NPHP3: variants seen among roughly 807,000 people sequenced by gnomAD.
NPHP3 encodes nephrocystin 3.
Under a neutral mutation model 171.9 loss-of-function variants are expected in NPHP3, and 123 were observed. The observed-to-expected ratio is 0.72, with a 90% confidence interval of 0.62 to 0.83. The LOEUF is 0.83. NPHP3 is among the 40% of genes least tolerant of loss of function. The pLI is 0.00. For missense variants in NPHP3, 1,506 were observed against 1,591.9 expected (o/e 0.95, Z 0.92); for synonymous variants, 558 against 579.2 (o/e 0.96, Z 0.52).
intron 15 of NPHP3, 95 bp downstream of exon 15, chr3:132,696,636 T>C (rs1415376949): frequency 1.9e-6 from 2 of 1,043,544 alleles, no homozygotes; most frequent in East Asian, 4.7e-5. Flanking sequence ...CTCAACAGAC[T>C]GGTGTAGTGA....
At chr3:132,717,376 G>A (rs1167257415) in intron 3 of NPHP3, 2 of 161,398 alleles carry the variant, frequency 1.2e-5, no homozygotes, top group African/African-American at 4.8e-5. Flanking sequence ...ACCTCCTAGA[G>A]CAACAAAATT....
At position 132,684,581 on chromosome 3, in the gene NPHP3, C is replaced by T. The variant is rs1307832095; in HGVS notation, c.3543G>A (p.Lys1181=). 5.0e-6 allele frequency: 8 copies of T among 1,613,868 alleles called. No individual in the cohort carries two copies. The highest frequency in any genetic ancestry group is 2.7e-5 in the African/African-American group (2 of 74,918). The change falls in exon 24 of 27, where the codon AAG becomes AAA. Residue 1181 remains lysine, a synonymous_variant. Transcript: ENST00000337331. ...PDHPSLAYTV[K]HLAILYKKMG... ...TTTTCTTATACAAGATGGCAAGATGCTTCACCGTATATGCCAAAGAAGGGT... is the reference window on the plus strand; with the variant it reads ...TTTTCTTATACAAGATGGCAAGATGTTTCACCGTATATGCCAAAGAAGGGT...
rs200440531 is a variant in NPHP3 at position 132,694,876 on chromosome 3, G to C, written c.2261C>G (p.Ser754Cys). 3.1e-6 allele frequency: 5 copies of C among 1,613,580 alleles called. No homozygotes were observed. Among genetic ancestry groups the C allele is most frequent in the Non-Finnish European group, 4.2e-6 (5 of 1,179,856 alleles). ...TLSLYRLVLH[S>C]IRESMANDVD... ...ATCATTTGCCATGGACTCCCGGATA[G>C]AGTGCAGAACAAGTCTATATAATGA... Residue 754 changes from serine (S) to cysteine (C), a missense_variant, in exon 16 of 27, where the codon TCT becomes TGT. Ser to Cys is a moderately radical substitution (Grantham distance 112, BLOSUM62 -1). Coordinates refer to ENST00000337331, the MANE Select transcript of NPHP3 (RefSeq NM_153240.5).
At chr3:132,690,229 A>G (rs1000348001) in intron 19 of NPHP3, among the ~76,000 whole-genome samples, 5 of 152,224 alleles carry the variant, frequency 3.3e-5, no homozygotes, top group African/African-American at 7.2e-5. Context: ...AGAAGCAGAC[A>G]TTACGAACCA....
chr3:132,720,855 G>A (rs1940192714), intron 1 of NPHP3, among the ~76,000 whole-genome samples: 1 of 151,916 alleles, frequency 6.6e-6, no homozygotes, highest in Non-Finnish European at 1.5e-5. Context: ...CGACCAGAGG[G>A]GCCCCAAACT....
intron 1 of NPHP3, chr3:132,721,546 G>C (rs1042561842): frequency 9.5e-6 from 3 of 315,232 alleles, no homozygotes; most frequent in African/African-American, 6.5e-5. Flanking sequence ...TGAGGGGGTG[G>C]GCGCGGGGGC....
chr3:132,716,921 G>A lies in NPHP3; in HGVS notation c.671-12C>T. The A allele has an allele frequency of 6.2e-7, 1 of 1,613,120 alleles. No homozygotes were observed. Among genetic ancestry groups the A allele is most frequent in the East Asian group, 2.2e-5 (1 of 44,888 alleles). On this transcript the variant is annotated splice_polypyrimidine_tract_variant and intron_variant, in intron 3 of 26. Coordinates refer to ENST00000337331, the MANE Select transcript of NPHP3 (RefSeq NM_153240.5). ...TTGGGTTCCAGCAGCTGTTCAGCAAGAGATTTTTATCTTGTGAAAGCCAAC... is the reference window on the plus strand; with the variant it reads ...TTGGGTTCCAGCAGCTGTTCAGCAAAAGATTTTTATCTTGTGAAAGCCAAC...
At chr3:132,718,044 G>A (rs370403218) in intron 3 of NPHP3, 15 of 417,256 alleles carry the variant, frequency 3.6e-5, no homozygotes, top group Admixed American at 5.2e-5. Flanking sequence ...ATAAGCCACC[G>A]TGCCCGGCCT....
intron 23 of NPHP3, 90 bp from the exon 24 acceptor site, chr3:132,684,884 T>C: frequency 2.1e-6 from 3 of 1,445,002 alleles, no homozygotes; most frequent in Non-Finnish European, 2.9e-6. Flanking sequence ...CTGACTCATC[T>C]TTATTCTTAG....
rs568964053 is a variant in NPHP3 at position 132,683,542 on chromosome 3, A to T, written c.3571-18T>A. On this transcript the variant is annotated intron_variant, in intron 24 of 26. Coordinates refer to ENST00000337331, the MANE Select transcript of NPHP3 (RefSeq NM_153240.5). ...AGTTTCCCCTAAAAAACAAGAGTTA[A>T]ATCTAACAAAAATATAAGGCAATAA... 6.2e-7 allele frequency: 1 copy of T among 1,601,052 alleles called. No homozygotes were observed. The highest frequency in any genetic ancestry group is 1.1e-5 in the South Asian group (1 of 90,542).
chr3:132,705,479 A>G (rs950215345), intron 8 of NPHP3, among the ~76,000 whole-genome samples: 2 of 152,236 alleles, frequency 1.3e-5, no homozygotes, highest in African/African-American at 4.8e-5. Context: ...GTTTTTGGCT[A>G]GCACTTTTGT....
chr3:132,683,509 C>G lies in NPHP3; in HGVS notation c.3586G>C (p.Ala1196Pro), dbSNP rs764453533. The change falls in exon 25 of 27, where the codon GCT becomes CCT. Residue 1196 changes from alanine (A) to proline (P), a missense_variant. By Grantham distance (27) the Ala-to-Pro change is conservative (BLOSUM62 -1). Coordinates refer to ENST00000337331, the MANE Select transcript of NPHP3 (RefSeq NM_153240.5). Reference sequence around the variant, plus strand: ...ACAGCCAATTCATACAAAGGTACAGCTTTGTCAAGTTTCCCCTAAAAAACA... The same window carrying G: ...ACAGCCAATTCATACAAAGGTACAGGTTTGTCAAGTTTCCCCTAAAAAACA... ...LYKKMGKLDK[A>P]VPLYELAVEI... The G allele has an allele frequency of 6.2e-7, 1 of 1,612,744 alleles. No homozygotes were observed. The highest frequency in any genetic ancestry group is 1.7e-5 in the Admixed American group (1 of 59,978).
At chr3:132,696,226 G>A (rs948086187) in intron 15 of NPHP3, among the ~76,000 whole-genome samples, 4 of 152,062 alleles carry the variant, frequency 2.6e-5, no homozygotes, top group African/African-American at 9.7e-5. Context: ...AGATAGAATA[G>A]GGTAAAGCTA....
chr3:132,707,882 A>G (rs1939796067), intron 7 of NPHP3, among the ~76,000 whole-genome samples: 1 of 152,046 alleles, frequency 6.6e-6, no homozygotes, highest in South Asian at 2.1e-4. Flanking sequence ...GTGGCTCCCA[A>G]TCTCACTCCA....
In NPHP3 at chr3:132,691,205, T is replaced by C. The variant is rs1692511922; in HGVS notation, c.2557A>G (p.Thr853Ala). ...CATTTACAATACCTTAGCTGCAAGG[T>C]GAAATAGTTGATTAGCTTTTGCCTG... is the stretch of plus-strand genomic sequence containing the variant. Reference protein sequence around the residue: ...SYRQKLINYFTLQLSQDRVTW... With the variant: ...SYRQKLINYFALQLSQDRVTW... The change falls in exon 18 of 27, where the codon ACC becomes GCC. Residue 853 changes from threonine to alanine, a missense_variant. This residue lies in a region of NPHP3 where 569 missense variants were observed against 648.1 expected (regional missense o/e 0.88). Transcript: ENST00000337331. 1.2e-6 allele frequency: 2 copies of C among 1,612,310 alleles called. No homozygotes were observed. Among genetic ancestry groups the C allele is most frequent in the Non-Finnish European group, 1.7e-6 (2 of 1,178,520 alleles).
intron 24 of NPHP3, among the ~76,000 whole-genome samples, chr3:132,684,139 A>C (rs1321247193): frequency 3.3e-5 from 5 of 152,230 alleles, no homozygotes; most frequent in Non-Finnish European, 7.3e-5. Context: ...GCCAAGAAAG[A>C]ACGAAATAAA....
chr3:132,684,237 T>C (rs1371539222), intron 24 of NPHP3, among the ~76,000 whole-genome samples: 4 of 152,240 alleles, frequency 2.6e-5, no homozygotes, highest in Non-Finnish European at 5.9e-5. Context: ...GGTGGAATTT[T>C]AGAACTTCTG....
Position 132,719,722 on chromosome 3 carries a change from CT to C in NPHP3, c.501del (p.Val168LeufsTer20). On this transcript the variant is annotated frameshift_variant, in exon 2 of 27. Coordinates refer to ENST00000337331, the MANE Select transcript of NPHP3 (RefSeq NM_153240.5). LOFTEE classifies it high-confidence loss of function. ...GAATTTACCTTGAATTGCCTTTTAA[CT>C]TTATCTCTGTCATGTTCAAATGTTG... is the stretch of plus-strand genomic sequence containing the variant. The part of the protein sequence containing the change: ...RAATFEHDRD[K>X]VKRQFKIFRE... The C allele has an allele frequency of 6.4e-7, 1 of 1,559,048 alleles. No homozygotes were observed. The highest frequency in any genetic ancestry group is 8.7e-7 in the Non-Finnish European group (1 of 1,148,990).
At chr3:132,714,287 T>C (rs953767791) in intron 5 of NPHP3, among the ~76,000 whole-genome samples, 1 of 152,220 alleles carries the variant, frequency 6.6e-6, no homozygotes, top group Non-Finnish European at 1.5e-5. Context: ...ACCAATCTTA[T>C]CTCTGGGCCA....
Sources: allele counts gnomAD v4.1 joint callset (sites outside exome capture counted in the v4.1 genomes callset), GRCh38; gene constraint gnomAD v4.1.1; regional missense constraint gnomAD v4.1.1; transcripts MANE v1.5; gene names NCBI Gene and HGNC (gene_info 2026-07-23, HGNC 2026-07-21).